Variants in MTHFD1 observed in about 807,000 individuals in gnomAD.
MTHFD1 encodes methylenetetrahydrofolate dehydrogenase, cyclohydrolase and formyltetrahydrofolate synthetase 1.
In MTHFD1, 44 loss-of-function variants were observed where a neutral mutation model predicts 110.3. The ratio of observed to expected loss-of-function variants is 0.40; its 90% CI spans 0.31 to 0.51. The LOEUF (loss-of-function observed/expected upper bound fraction) is 0.51. MTHFD1 is among the 20% of genes least tolerant of loss of function. MTHFD1 has a pLI of 0.60. For missense variants in MTHFD1, 909 were observed against 1,173.1 expected (o/e 0.77, Z 3.29); for synonymous variants, 402 against 428.8 (o/e 0.94, Z 0.77).
At chr14:64,397,780 C>CATAT (rs1166559714) in intron 1 of MTHFD1, among the ~76,000 whole-genome samples, 1 of 152,154 alleles carries the variant, frequency 6.6e-6, no homozygotes, top group Non-Finnish European at 1.5e-5. Context: ...CTTTGCCTAC[C>CATAT]ATATAGCTTC....
chr14:64,419,007 C>G (rs1374959582), intron 7 of MTHFD1, among the ~76,000 whole-genome samples: 1 of 152,162 alleles, frequency 6.6e-6, no homozygotes, highest in East Asian at 1.9e-4. Flanking sequence ...CAGGCATGTG[C>G]CACCATGCCT....
At chr14:64,412,400 T>C (rs2140953900) in intron 3 of MTHFD1, 72 bp from the exon 4 acceptor site, 1 of 1,115,314 alleles carries the variant, frequency 9.0e-7, no homozygotes, top group Non-Finnish European at 1.4e-6. Context: ...TTGTTAGTCA[T>C]GTCTGTAAAA....
intron 2 of MTHFD1, among the ~76,000 whole-genome samples, chr14:64,403,100 A>G (rs1033844472): frequency 6.6e-6 from 1 of 152,008 alleles, no homozygotes; most frequent in African/African-American, 2.4e-5. Flanking sequence ...CTGGGATTAC[A>G]GGCATGCGCC....
At chr14:64,390,767 G>A (rs940464587) in intron 1 of MTHFD1, among the ~76,000 whole-genome samples, 2 of 152,152 alleles carry the variant, frequency 1.3e-5, no homozygotes, top group Non-Finnish European at 2.9e-5. Flanking sequence ...TCCTGCCTCA[G>A]CCTCCCGAGT....
At chr14:64,443,830 G>A (rs1206643757) in intron 21 of MTHFD1, among the ~76,000 whole-genome samples, 1 of 152,154 alleles carries the variant, frequency 6.6e-6, no homozygotes, top group Admixed American at 6.5e-5. Flanking sequence ...TGCTGTGCAT[G>A]GAGGGGAACA....
At chr14:64,445,074 G>T in intron 22 of MTHFD1, 1 of 370,846 alleles carries the variant, frequency 2.7e-6, no homozygotes, top group East Asian at 6.7e-5. Flanking sequence ...GAATCTAGTG[G>T]GTAGAAACTG....
At chr14:64,434,585 C>G (rs962005621) in intron 15 of MTHFD1, among the ~76,000 whole-genome samples, 8 of 152,100 alleles carry the variant, frequency 5.3e-5, no homozygotes, top group African/African-American at 1.9e-4. Context: ...TTGTTTCCAA[C>G]AACTTTATAA....
intron 12 of MTHFD1, among the ~76,000 whole-genome samples, chr14:64,429,722 C>T (rs2078144055): frequency 6.6e-6 from 1 of 152,108 alleles, no homozygotes; most frequent in East Asian, 1.9e-4. Flanking sequence ...GATACTCAAC[C>T]TGTAATCCAA....
At position 64,457,028 on chromosome 14, in the gene MTHFD1, C is replaced by T. The variant is rs1002823384; in HGVS notation, c.2719-1186C>T. Among the ~76,000 whole-genome samples the T allele has an allele frequency of 5.9e-5, 9 of 152,184 alleles. No homozygotes were observed. In the South Asian group the frequency reaches 1.7e-3, roughly 28 times the overall value. The stretch of plus-strand genomic sequence containing the variant: ...CATCTAAGTAGAAATTTGTCAAAGC[C>T]GAGTCTTTAGAAAAGTAGTGAGTAC... On this transcript the variant is annotated intron_variant, in intron 26 of 27. Transcript: ENST00000652337.
intron 12 of MTHFD1, among the ~76,000 whole-genome samples, chr14:64,428,098 A>G (rs940086452): frequency 7.6e-6 from 1 of 131,476 alleles, no homozygotes; most frequent in African/African-American, 2.9e-5. Flanking sequence ...TACTAAGAAC[A>G]TGTGTTTTTT....
chr14:64,400,810 T>G lies in MTHFD1; in HGVS notation c.59T>G (p.Leu20Arg). ...KEISAQIRAR[L>R]KNQVTQLKEQ... ...TTCTCTAGGCAAATAAGGGCGAGAC[T>G]GAAAAATCAAGTCACTCAGTTGAAG... Residue 20 changes from leucine (L) to arginine (R), a missense_variant, in exon 2 of 28, where the codon CTG (leucine) becomes CGG (arginine). Transcript: ENST00000652337. 3.1e-6 allele frequency: 5 copies of G among 1,613,774 alleles called. No homozygotes were observed. Among genetic ancestry groups the G allele is most frequent in the Non-Finnish European group, 4.2e-6 (5 of 1,179,748 alleles).
chr14:64,406,001 G>A (rs4902282), intron 2 of MTHFD1, among the ~76,000 whole-genome samples: 138,949 of 148,826 alleles, frequency 0.93, 65,115 homozygotes, highest in Middle Eastern at 0.99. Flanking sequence ...TTATATATAT[G>A]TGTGTGTGTG....
Position 64,442,116 on chromosome 14 carries a change from C to A in MTHFD1, c.1947C>A (p.Ile649=). The change falls in exon 20 of 28, where the codon ATC becomes ATA. Residue 649 remains isoleucine, a synonymous_variant. Transcript: ENST00000652337. The stretch of plus-strand genomic sequence containing the variant: ...ACATCGCACATGGCAATTCCTCCAT[C>A]ATTGCAGACCGGATCGCACTCAAGC... The part of the protein sequence containing the change: ...FANIAHGNSS[I]IADRIALKLV... 1 of 1,614,170 alleles carries A rather than the reference C, an allele frequency of 6.2e-7. No individual in the cohort carries two copies. The highest frequency in any genetic ancestry group is 8.5e-7 in the Non-Finnish European group (1 of 1,180,016).
At chr14:64,459,667 A>C in intron 27 of MTHFD1, 92 bp from the exon 28 acceptor site, 7 of 1,094,472 alleles carry the variant, frequency 6.4e-6, no homozygotes, top group Non-Finnish European at 8.9e-6. Flanking sequence ...CAGCTTTGGC[A>C]ATGTGAGTGG....
chr14:64,449,663 A>C, intron 24 of MTHFD1, 41 bp downstream of exon 24: 1 of 1,605,210 alleles, frequency 6.2e-7, no homozygotes, highest in Non-Finnish European at 8.5e-7. Context: ...AAAAGACGAA[A>C]AGGGCACAGT....
chr14:64,431,399 G>T, intron 13 of MTHFD1, 133 bp from the exon 14 acceptor site: 1 of 738,028 alleles, frequency 1.4e-6, no homozygotes, highest in East Asian at 2.7e-5. Flanking sequence ...CCCTATATTG[G>T]GTGTTTGTCC....
intron 16 of MTHFD1, 52 bp downstream of exon 16, chr14:64,435,723 A>C (rs189651359): frequency 1.9e-6 from 2 of 1,036,124 alleles, no homozygotes; most frequent in Non-Finnish European, 1.5e-6. Flanking sequence ...TGCACACCCT[A>C]CACCCTCCAG....
At chr14:64,457,827 A>T (rs1177330055) in intron 26 of MTHFD1, among the ~76,000 whole-genome samples, 1 of 152,160 alleles carries the variant, frequency 6.6e-6, no homozygotes, top group Non-Finnish European at 1.5e-5. Context: ...TACCCACTTT[A>T]TTGACAACTA....
chr14:64,410,052 A>G (rs1318774342), intron 2 of MTHFD1, among the ~76,000 whole-genome samples: 1 of 152,220 alleles, frequency 6.6e-6, no homozygotes, highest in Non-Finnish European at 1.5e-5. Flanking sequence ...AGAAATACCA[A>G]CCACTGGAGC....
Sources: gnomAD v4.1 joint callset for allele counts (sites outside exome capture counted in the v4.1 genomes callset) on GRCh38, gnomAD v4.1.1 for gene constraint, MANE v1.5 for transcripts, NCBI Gene and HGNC (gene_info 2026-07-23, HGNC 2026-07-21) for gene names.